Variants in IL31RA observed in about 807,000 individuals in gnomAD.
IL31RA encodes the protein interleukin-31 receptor subunit alpha.
In IL31RA, 66 loss-of-function variants were observed where a neutral mutation model predicts 83.7. The observed-to-expected ratio is 0.79, with a 90% CI of 0.65 to 0.97. The LOEUF (loss-of-function observed/expected upper bound fraction) is 0.97, where lower values mean the gene tolerates loss of function less well. IL31RA is among the 50% of genes least tolerant of loss of function. The probability of loss-of-function intolerance (pLI) is 0.00; values close to 1 mark genes in which losing one functional copy is unlikely to be tolerated. For missense variants in IL31RA, 798 were observed against 919.4 expected, an observed-to-expected ratio of 0.87 and a Z score of 1.71; for synonymous variants, 325 against 329.0, an observed-to-expected ratio of 0.99 and a Z score of 0.13.
At position 55,918,521 on chromosome 5, in the gene IL31RA, C is replaced by T. The variant is rs1749922282; in HGVS notation, c.*1401C>T. 6.6e-6 allele frequency among the ~76,000 whole-genome samples: 1 copy of T among 152,140 alleles called. No homozygotes were observed. Among genetic ancestry groups the T allele is most frequent in the South Asian group, 2.1e-4 (1 of 4,820 alleles). ...CAGTCACATTTGGGGTTTTGCCCTC[C>T]CCTGTCCTGCCTGGGACTGGCTCTG... On this transcript the variant is annotated 3_prime_UTR_variant, in exon 15 of 15. Transcript: ENST00000652347.
At chr5:55,914,456 T>G (rs1749671445) in intron 13 of IL31RA, among the ~76,000 whole-genome samples, 1 of 152,214 alleles carries the variant, frequency 6.6e-6, no homozygotes, top group South Asian at 2.1e-4. Context: ...GGACCACACT[T>G]GGAGAACCAT....
rs76188764 is a variant in IL31RA, at chr5:55,900,248, G to A, written c.1069+116G>A. 767 of 781,966 alleles carry A rather than the reference G, an allele frequency of 9.8e-4. 5 individuals carry two copies. The African/African-American group carries it at 0.012, about 13-fold the overall frequency. 48.4% of individuals were successfully genotyped at this position (781,966 alleles called of 1,614,324 possible). On this transcript the variant is annotated intron_variant, in intron 8 of 14. Transcript: ENST00000652347. ...TTGAGTCAAAATGAAAATGGAGTGG[G>A]AACCTTTTAGGTTGTGGTGAAGCAA...
rs1746157232 is a variant in IL31RA, at chr5:55,867,178, T to TGTGC, written c.155-1612_155-1611insTGCG. On this transcript the variant is annotated intron_variant, in intron 2 of 14. Transcript: ENST00000652347. ...GTGTTTGTGTGTGTGCATGTGTGTG[T>TGTGC]GCATGTGTGTTTGTGTGTGTTTGTG... Among the ~76,000 whole-genome samples, 3 of 78,000 alleles carry TGTGC rather than the reference T, an allele frequency of 3.8e-5. 1 individual carries two copies. The highest frequency in any genetic ancestry group is 4.2e-4 in the East Asian group (1 of 2,396). The allele number at this position is 78,000 out of a possible 152,430, so 51.2% of individuals were successfully genotyped here.
chr5:55,891,417 C>G (rs1266990666), intron 6 of IL31RA, among the ~76,000 whole-genome samples: 1 of 152,210 alleles, frequency 6.6e-6, no homozygotes, highest in Non-Finnish European at 1.5e-5. Flanking sequence ...ATCAGTTTCA[C>G]TGGGCTAAAG....
intron 11 of IL31RA, chr5:55,909,073 A>G (rs918025859): frequency 5.4e-6 from 1 of 185,318 alleles, no homozygotes; most frequent in African/African-American, 2.4e-5. Flanking sequence ...AGCCCCTGGC[A>G]ACTACCAAAC....
intron 4 of IL31RA, 36 bp from the exon 5 acceptor site, chr5:55,883,008 T>C (rs1160467724): frequency 1.2e-6 from 2 of 1,606,206 alleles, no homozygotes; most frequent in Non-Finnish European, 1.7e-6. Flanking sequence ...TCTTATCTTT[T>C]TGCAGATATG....
At chr5:55,910,324 T>C (rs1245948122) in intron 11 of IL31RA, among the ~76,000 whole-genome samples, 2 of 152,250 alleles carry the variant, frequency 1.3e-5, no homozygotes, top group East Asian at 3.8e-4. Context: ...ATTTATCCTA[T>C]GCTGTCTTCT....
At chr5:55,854,129 A>G (rs1324782092) in intron 1 of IL31RA, among the ~76,000 whole-genome samples, 1 of 152,220 alleles carries the variant, frequency 6.6e-6, no homozygotes, top group Non-Finnish European at 1.5e-5. Flanking sequence ...TGTAATTTGT[A>G]TAGTGTAGTT....
chr5:55,846,798 A>T (rs1744938067), upstream of IL31RA, among the ~76,000 whole-genome samples: 1 of 151,940 alleles, frequency 6.6e-6, no homozygotes, highest in African/African-American at 2.4e-5. Flanking sequence ...TCTTGGAAAA[A>T]AGAATCTATA....
At position 55,907,468 on chromosome 5, in the gene IL31RA, T is replaced by G; in HGVS notation, c.1354+8T>G. 6.4e-7 allele frequency: 1 copy of G among 1,572,646 alleles called. No individual in the cohort carries two copies. Reference sequence around the variant, plus strand: ...CTTATGCCAAAGAAGGCGGTATGAATGGACAAGACCCTGTGGGGAAAAGGA... The same window carrying G: ...CTTATGCCAAAGAAGGCGGTATGAAGGGACAAGACCCTGTGGGGAAAAGGA... On this transcript the variant is annotated splice_region_variant and intron_variant, in intron 10 of 14. Coordinates refer to ENST00000652347, the MANE Select transcript of IL31RA (RefSeq NM_139017.7).
chr5:55,890,252 G>T, intron 6 of IL31RA, 117 bp downstream of exon 6: 1 of 1,015,758 alleles, frequency 9.8e-7, no homozygotes, highest in Non-Finnish European at 1.5e-6. Flanking sequence ...TGACCCCAGG[G>T]GCCCCCTGTA....
intron 4 of IL31RA, among the ~76,000 whole-genome samples, chr5:55,879,301 C>G (rs568787809): frequency 2.6e-5 from 4 of 151,992 alleles, no homozygotes; most frequent in Admixed American, 2.6e-4. Context: ...GCAAGTAAGA[C>G]AGCCACAAAA....
chr5:55,853,913 A>G (rs910287541), intron 1 of IL31RA, among the ~76,000 whole-genome samples: 6 of 152,218 alleles, frequency 3.9e-5, no homozygotes, highest in Admixed American at 6.5e-5. Flanking sequence ...GAGCTGAGAG[A>G]GAGTAAATCA....
chr5:55,917,306 G>A lies in IL31RA; in HGVS notation c.*186G>A, dbSNP rs552409247. 8.1e-6 allele frequency: 12 copies of A among 1,486,552 alleles called. No homozygotes were observed. The Admixed American group carries it at 2.5e-4, about 31-fold the overall frequency. 92.1% of individuals were successfully genotyped at this position (1,486,552 alleles called of 1,614,324 possible). On this transcript the variant is annotated 3_prime_UTR_variant, in exon 15 of 15. Coordinates refer to ENST00000652347, the MANE Select transcript of IL31RA (RefSeq NM_139017.7). ...GATGCGACCTTGTACTGGGAAGAAG[G>A]GATGGTGATAAGCCCGAGTTTTGTA...
intron 1 of IL31RA, among the ~76,000 whole-genome samples, chr5:55,859,039 C>T (rs1745513180): frequency 6.6e-6 from 1 of 152,074 alleles, no homozygotes; most frequent in Admixed American, 6.6e-5. Flanking sequence ...GGAAGGAGAG[C>T]CTTGAAATGA....
chr5:55,862,650 G>T (rs1047359468), intron 2 of IL31RA, among the ~76,000 whole-genome samples: 1 of 152,098 alleles, frequency 6.6e-6, no homozygotes, highest in African/African-American at 2.4e-5. Context: ...CTCGTGATCC[G>T]CCCATCTTGG....
intron 8 of IL31RA, among the ~76,000 whole-genome samples, chr5:55,901,802 A>G (rs1324664574): frequency 6.6e-6 from 1 of 151,706 alleles, no homozygotes; most frequent in Admixed American, 6.6e-5. Flanking sequence ...TTTAGTAGCG[A>G]CGGGGTTTCT....
In IL31RA at chr5:55,884,609, A is replaced by C. The variant is rs189001280; in HGVS notation, c.606+1414A>C. Among the ~76,000 whole-genome samples, 92 of 151,792 alleles carry C rather than the reference A, an allele frequency of 6.1e-4. No homozygotes were observed. The Middle Eastern group carries it at 0.014, about 22-fold the overall frequency. On this transcript the variant is annotated intron_variant, in intron 5 of 14. Transcript: ENST00000652347. The stretch of plus-strand genomic sequence containing the variant: ...GCCACCATGCCTGGCTGATTTTTAA[A>C]TTTTTTTTGTAGTGTTGCCCAGGTT...
the IL31RA span, among the ~76,000 whole-genome samples, chr5:55,843,481 A>G: frequency 6.6e-6 from 1 of 152,196 alleles, no homozygotes; most frequent in Non-Finnish European, 1.5e-5. Flanking sequence ...AGATAATGAT[A>G]TTCTGCAGCT....
Sources: allele counts gnomAD v4.1 joint callset (sites outside exome capture counted in the v4.1 genomes callset), GRCh38; gene constraint gnomAD v4.1.1; transcripts MANE v1.5; gene names NCBI Gene and HGNC (gene_info 2026-07-23, HGNC 2026-07-21).